The following CDH17 variants were observed in gnomAD, a reference collection of about 807,000 sequenced individuals.
CDH17 encodes the protein cadherin 17.
CDH17 carries 67 observed loss-of-function variants against 86.3 expected under a neutral mutation model. The observed-to-expected ratio is 0.78, with a 90% CI of 0.64 to 0.95. The LOEUF is 0.95. Ranked by LOEUF, CDH17 falls within the 40% of genes least tolerant of loss-of-function variation. CDH17 has a pLI of 0.00. For synonymous variants in CDH17, 367 were observed against 366.4 expected (o/e 1.00, Z -0.02); for missense variants, 993 against 1,017.6 (o/e 0.98, Z 0.33).
chr8:94,150,110 T>C (rs1812829758), intron 13 of CDH17, among the ~76,000 whole-genome samples: 1 of 152,244 alleles, frequency 6.6e-6, no homozygotes, highest in Non-Finnish European at 1.5e-5. Flanking sequence ...ATTTTTTTAG[T>C]ATATTCCATA....
At position 94,146,151 on chromosome 8, in the gene CDH17, G is replaced by A; in HGVS notation, c.1944C>T (p.Ser648=). 6.4e-7 allele frequency: 1 copy of A among 1,568,092 alleles called. No individual in the cohort carries two copies. Among genetic ancestry groups the A allele is most frequent in the African/African-American group, 1.4e-5 (1 of 72,810 alleles). ...VATEVGGSSL[S]SVSEFHLILM... ...GGATCAGGTGGAACTCTGACACAGAGCTCAAGGAAGACCCCCCTAAGGAAT... is the reference window on the plus strand; with the variant it reads ...GGATCAGGTGGAACTCTGACACAGAACTCAAGGAAGACCCCCCTAAGGAAT... The change falls in exon 15 of 18, where the codon AGC becomes AGT. Residue 648 remains serine, a synonymous_variant. Transcript: ENST00000027335.
intron 12 of CDH17, among the ~76,000 whole-genome samples, chr8:94,154,856 G>A (rs1422547252): frequency 6.6e-6 from 1 of 152,270 alleles, no homozygotes; most frequent in South Asian, 2.1e-4. Flanking sequence ...CCCACAGTGG[G>A]CTGGTCAGGA....
At chr8:94,140,655 A>G (rs1812619782) in intron 15 of CDH17, among the ~76,000 whole-genome samples, 1 of 152,192 alleles carries the variant, frequency 6.6e-6, no homozygotes, top group Admixed American at 6.5e-5. Context: ...TTCTTTGAAA[A>G]TATCAATAAA....
intron 2 of CDH17, among the ~76,000 whole-genome samples, chr8:94,194,332 A>C (rs1196835950): frequency 1.4e-4 from 21 of 152,234 alleles, no homozygotes. Flanking sequence ...GTATCAGTGC[A>C]ATGTCATTTC....
chr8:94,148,123 A>C lies in CDH17; in HGVS notation c.1927+621T>G, dbSNP rs76359830. Among the ~76,000 whole-genome samples, 545 of 152,338 alleles carry C rather than the reference A, an allele frequency of 3.6e-3. 5 individuals are homozygous for C. The highest frequency in any genetic ancestry group is 0.012 in the African/African-American group (519 of 41,584). ...GCTCCTGGGGGAAACCCACAACCAC[A>C]TTGGAAGAAGGGAGGTAGTTCAGCC... On this transcript the variant is annotated intron_variant, in intron 14 of 17. Coordinates refer to ENST00000027335, the MANE Select transcript of CDH17 (RefSeq NM_004063.4).
intron 3 of CDH17, among the ~76,000 whole-genome samples, chr8:94,179,060 A>C (rs541053743): frequency 5.3e-5 from 8 of 151,700 alleles, no homozygotes; most frequent in East Asian, 1.9e-4. Context: ...AAAAAAAAAA[A>C]AAACTAAGGT....
intron 15 of CDH17, among the ~76,000 whole-genome samples, chr8:94,143,493 C>A (rs763936077): frequency 8.5e-5 from 13 of 152,062 alleles, no homozygotes; most frequent in Non-Finnish European, 1.6e-4. Flanking sequence ...TTAGCCCTAA[C>A]AAGAGCCAGC....
At chr8:94,151,276 G>T in intron 13 of CDH17, among the ~76,000 whole-genome samples, 1 of 152,048 alleles carries the variant, frequency 6.6e-6, no homozygotes, top group East Asian at 1.9e-4. Flanking sequence ...AATCTGTGTG[G>T]GTCTTACTGA....
chr8:94,187,235 T>C (rs991616325), intron 3 of CDH17, among the ~76,000 whole-genome samples: 8 of 152,258 alleles, frequency 5.3e-5, no homozygotes, highest in Non-Finnish European at 1.2e-4. Flanking sequence ...ATTTTGTCAA[T>C]TAAAAATAAA....
intron 5 of CDH17, among the ~76,000 whole-genome samples, chr8:94,176,058 A>G (rs909885928): frequency 1.3e-5 from 2 of 151,874 alleles, no homozygotes; most frequent in African/African-American, 2.4e-5. Flanking sequence ...CTGGCAAACT[A>G]TTATTTTTTG....
In CDH17 at chr8:94,160,129, T is replaced by G; in HGVS notation, c.1393A>C (p.Ile465Leu). 1 of 1,613,188 alleles carries G rather than the reference T, an allele frequency of 6.2e-7. No individual in the cohort carries two copies. Among genetic ancestry groups the G allele is most frequent in the Non-Finnish European group, 8.5e-7 (1 of 1,179,614 alleles). The change falls in exon 12 of 18, where the codon ATT becomes CTT. Residue 465 changes from isoleucine (I) to leucine (L), a missense_variant. Transcript: ENST00000027335. ...GNLTLAEDTN[I>L]GSTILTIQAT... The stretch of plus-strand genomic sequence containing the variant: ...TGGATGGTTAAGATGGTGGACCCAA[T>G]GTTTGTGTCTTCAGCAAGAGTCAGG...
chr8:94,198,717 C>T (rs973151802), intron 1 of CDH17, among the ~76,000 whole-genome samples: 1 of 152,148 alleles, frequency 6.6e-6, no homozygotes, highest in Non-Finnish European at 1.5e-5. Flanking sequence ...GGCAGCCAAG[C>T]TCTCACCCCT....
chr8:94,165,822 T>G lies in CDH17; in HGVS notation c.1221A>C (p.Lys407Asn). ...QTYAGMLQLA[K>N]QSLKKQDTPQ... is the part of the protein sequence containing the mutation. ...GAGTATCTTGCTTCTTCAAGGACTGTTTAGCTAACTGTAACATTCCAGCAT... is the reference window on the plus strand; with the variant it reads ...GAGTATCTTGCTTCTTCAAGGACTGGTTAGCTAACTGTAACATTCCAGCAT... The change falls in exon 10 of 18, where the codon AAA becomes AAC. Residue 407 changes from lysine (K) to asparagine (N), a missense_variant. Coordinates refer to ENST00000027335, the MANE Select transcript of CDH17 (RefSeq NM_004063.4). The G allele has an allele frequency of 6.2e-7, 1 of 1,614,020 alleles. No individual in the cohort carries two copies. The highest frequency in any genetic ancestry group is 2.2e-5 in the East Asian group (1 of 44,844).
intron 15 of CDH17, among the ~76,000 whole-genome samples, chr8:94,132,508 G>A (rs1812439592): frequency 6.6e-6 from 1 of 152,170 alleles, no homozygotes; most frequent in Non-Finnish European, 1.5e-5. Context: ...CCCACTTTTT[G>A]ATGGGGTCGT....
Position 94,159,996 on chromosome 8 carries a change from T to G in CDH17, c.1526A>C (p.Asn509Thr), listed in dbSNP as rs1439258262. 6.2e-7 allele frequency: 1 copy of G among 1,609,512 alleles called. No homozygotes were observed. The highest frequency in any genetic ancestry group is 8.5e-7 in the Non-Finnish European group (1 of 1,178,450). ...RLGVDTDPHT[N>T]TGYVIIKKPL... ...CTTTTTAATTATGACATATCCGGTG[T>G]TGGTATGGGGATCTGTGTCAACCCC... Residue 509 changes from asparagine to threonine, a missense_variant, in exon 12 of 18, where the codon AAC (asparagine) becomes ACC (threonine). By Grantham distance (65) the Asn-to-Thr change is moderately conservative (BLOSUM62 0). Coordinates refer to ENST00000027335, the MANE Select transcript of CDH17 (RefSeq NM_004063.4).
chr8:94,191,798 T>C (rs906233893), intron 2 of CDH17, among the ~76,000 whole-genome samples: 3 of 152,218 alleles, frequency 2.0e-5, no homozygotes, highest in African/African-American at 7.2e-5. Context: ...GCCAGACTTC[T>C]AGCCCATCTC....
chr8:94,177,185 T>A (rs181085460), intron 4 of CDH17, among the ~76,000 whole-genome samples: 67 of 152,280 alleles, frequency 4.4e-4, no homozygotes, highest in African/African-American at 1.5e-3. Flanking sequence ...CTCTGCTTCT[T>A]CCAACGCCCA....
chr8:94,217,144 C>T (rs568901127), intron 1 of CDH17: 1 of 152,328 alleles, frequency 6.6e-6, no homozygotes, highest in South Asian at 2.1e-4. Flanking sequence ...CTGCTACCCT[C>T]GGCAAAGCTC....
chr8:94,185,425 A>T (rs1409754460), intron 3 of CDH17, among the ~76,000 whole-genome samples: 1 of 152,116 alleles, frequency 6.6e-6, no homozygotes, highest in Middle Eastern at 3.2e-3. Context: ...CAAAAAAAGA[A>T]AAGTGGAGCA....
Sources: gnomAD v4.1 joint callset for allele counts (sites outside exome capture counted in the v4.1 genomes callset) on GRCh38, gnomAD v4.1.1 for gene constraint, MANE v1.5 for transcripts, NCBI Gene and HGNC (gene_info 2026-07-23, HGNC 2026-07-21) for gene names.